LGALS3BP: variants seen among roughly 807,000 people sequenced by gnomAD.
The protein encoded by LGALS3BP is galectin 3 binding protein.
In LGALS3BP, 25 loss-of-function variants were observed where a neutral mutation model predicts 22.9. The ratio of observed to expected loss-of-function variants is 1.09; its 90% CI spans 0.80 to 1.53. The LOEUF is 1.53. Among genes scored for constraint, LGALS3BP ranks in the 40% most tolerant of loss-of-function variants. The pLI is 0.00. For synonymous variants in LGALS3BP, 335 were observed against 331.1 expected (o/e 1.01, Z -0.13); for missense variants, 718 against 752.0 (o/e 0.95, Z 0.53).
intron 1 of LGALS3BP, among the ~76,000 whole-genome samples, chr17:78,978,659 C>A (rs541177755): frequency 6.6e-6 from 1 of 152,310 alleles, no homozygotes; most frequent in East Asian, 1.9e-4. Flanking sequence ...CCCCTCAGTC[C>A]CAGGCACGCC....
At chr17:78,975,042 CAGCG>C (rs2070708196) in intron 3 of LGALS3BP, 1 of 567,912 alleles carries the variant, frequency 1.8e-6, no homozygotes, top group Admixed American at 3.3e-5. Context: ...CCGGCTGCTT[CAGCG>C]ACATCACATT....
In LGALS3BP at chr17:78,972,255, T is replaced by A. The variant is rs745438226; in HGVS notation, c.1079A>T (p.Gln360Leu). Residue 360 changes from glutamine (Q) to leucine (L), a missense_variant, in exon 6 of 6, where the codon CAG (glutamine) becomes CTG (leucine). Coordinates refer to ENST00000262776, the MANE Select transcript of LGALS3BP (RefSeq NM_005567.4). This position sits in a 1 kb window ranked among gnomAD's most constrained non-coding sequence, Gnocchi z 5.1. Reference protein sequence around the residue: ...MMLPEELFELQFNLSLYWSHE... With the variant: ...MMLPEELFELLFNLSLYWSHE... ...GCTCCAGTACAGGGACAGGTTGAAC[T>A]GCAGCTCAAAGAGCTCCTCAGGGAG... 25 of 1,613,624 alleles carry A rather than the reference T, an allele frequency of 1.5e-5. No individual in the cohort carries two copies. The highest frequency in any genetic ancestry group is 2.0e-5 in the Non-Finnish European group (24 of 1,179,952).
Position 78,971,303 on chromosome 17 carries a change from G to A in LGALS3BP, c.*273C>T, listed in dbSNP as rs1131530. The A allele has an allele frequency of 1.9e-6, 1 of 513,476 alleles. No individual in the cohort carries two copies. Among genetic ancestry groups the A allele is most frequent in the Non-Finnish European group, 3.5e-6 (1 of 287,106 alleles). The allele number at this position is 513,476 out of a possible 1,614,324, so 31.8% of individuals were successfully genotyped here. On this transcript the variant is annotated 3_prime_UTR_variant, in exon 6 of 6. Transcript: ENST00000262776. The surrounding 1 kb of genome is among the most constrained non-coding windows in gnomAD (Gnocchi z 5.6). Reference sequence around the variant, plus strand: ...TGACCTCAGACCAGTGACAAGGGCAGACTGACCAGGGGCTGTGGGGGGATC... The same window carrying A: ...TGACCTCAGACCAGTGACAAGGGCAAACTGACCAGGGGCTGTGGGGGGATC...
rs138148278 is a variant in LGALS3BP, at chr17:78,974,710, G to A, written c.354C>T (p.Asp118=). The A allele has an allele frequency of 8.9e-5, 144 of 1,613,572 alleles. No homozygotes were observed. Among genetic ancestry groups the A allele is most frequent in the Non-Finnish European group, 1.2e-4 (138 of 1,180,006 alleles). Residue 118 remains aspartate (D), a synonymous_variant, in exon 4 of 6, where the codon GAC becomes GAT. Transcript: ENST00000262776. ...CACCATTGGTGCAGACCACACCAGC[G>A]TCTCTCTCGTGCCTGCAGTTGCTCT... ...WLKSNCRHER[D]AGVVCTNETR...
chr17:78,972,859 C>T lies in LGALS3BP; in HGVS notation c.629+111G>A, dbSNP rs1228203903. 6.9e-7 allele frequency: 1 copy of T among 1,449,092 alleles called. No individual in the cohort carries two copies. The highest frequency in any genetic ancestry group is 1.4e-5 in the African/African-American group (1 of 70,928). The allele number at this position is 1,449,092 out of a possible 1,614,324, so 89.8% of individuals were successfully genotyped here. A position where few individuals can be genotyped will look rare whatever the true frequency, so the allele number is the denominator to read the frequency against. On this transcript the variant is annotated intron_variant, in intron 5 of 5. Coordinates refer to ENST00000262776, the MANE Select transcript of LGALS3BP (RefSeq NM_005567.4). The surrounding 1 kb of genome is among the most constrained non-coding windows in gnomAD (Gnocchi z 5.1). ...GAGTGCATGTGTGACTGCGTGTGTACATGTGCATGCATGAGTATGTGCAGG... is the reference window on the plus strand; with the variant it reads ...GAGTGCATGTGTGACTGCGTGTGTATATGTGCATGCATGAGTATGTGCAGG...
In LGALS3BP at chr17:78,976,239, G is replaced by T; in HGVS notation, c.53-83C>A. The T allele has an allele frequency of 1.6e-6, 2 of 1,246,294 alleles. No homozygotes were observed. Among genetic ancestry groups the T allele is most frequent in the Non-Finnish European group, 2.2e-6 (2 of 917,006 alleles). The allele number at this position is 1,246,294 out of a possible 1,614,324, so 77.2% of individuals were successfully genotyped here. Reference sequence around the variant, plus strand: ...CTCCAGGCCCCATATGCTGTCCTGGGTCTCCCCTGCTGAGCTTGTATTTCA... The same window carrying T: ...CTCCAGGCCCCATATGCTGTCCTGGTTCTCCCCTGCTGAGCTTGTATTTCA... On this transcript the variant is annotated intron_variant, in intron 2 of 5. Coordinates refer to ENST00000262776, the MANE Select transcript of LGALS3BP (RefSeq NM_005567.4). This position sits in a 1 kb window ranked among gnomAD's most constrained non-coding sequence, Gnocchi z 4.6.
Position 78,971,827 on chromosome 17 carries a change from C to A in LGALS3BP, c.1507G>T (p.Val503Phe). Residue 503 changes from valine to phenylalanine, a missense_variant, in exon 6 of 6, where the codon GTC (valine) becomes TTC (phenylalanine). By Grantham distance (50) the Val-to-Phe change is conservative. Coordinates refer to ENST00000262776, the MANE Select transcript of LGALS3BP (RefSeq NM_005567.4). The surrounding 1 kb of genome is among the most constrained non-coding windows in gnomAD (Gnocchi z 5.6). ...CCGCCAGACTTGGTGAGGCCCAGGA[C>A]AGGGAGCTCGTCCGAGGAGCAGGAG... The part of the protein sequence containing the change: ...GFSCSSDELP[V>F]LGLTKSGGSD... 1 of 1,614,130 alleles carries A rather than the reference C, an allele frequency of 6.2e-7. No homozygotes were observed. The highest frequency in any genetic ancestry group is 8.5e-7 in the Non-Finnish European group (1 of 1,180,026).
chr17:78,976,497 C>A lies in LGALS3BP; in HGVS notation c.53-341G>T, dbSNP rs1001371604. Among the ~76,000 whole-genome samples, 1 of 152,174 alleles carries A rather than the reference C, an allele frequency of 6.6e-6. No individual in the cohort carries two copies. Among genetic ancestry groups the A allele is most frequent in the Non-Finnish European group, 1.5e-5 (1 of 68,028 alleles). On this transcript the variant is annotated intron_variant, in intron 2 of 5. Transcript: ENST00000262776. The surrounding 1 kb of genome is among the most constrained non-coding windows in gnomAD (Gnocchi z 4.6). ...AAGGATAGGAGGGGAACGGAGGCCC[C>A]GTGCTGACCCGCCCTGCAGAGGGTG...
rs773533005 is a variant in LGALS3BP, at chr17:78,972,568, A to C, written c.766T>G (p.Ser256Ala). 1 of 1,602,684 alleles carries C rather than the reference A, an allele frequency of 6.2e-7. No individual in the cohort carries two copies. Among genetic ancestry groups the C allele is most frequent in the Non-Finnish European group, 8.5e-7 (1 of 1,172,090 alleles). The change falls in exon 6 of 6, where the codon TCG (serine) becomes GCG (alanine). Residue 256 changes from serine (S) to alanine (A), a missense_variant. Transcript: ENST00000262776. The surrounding 1 kb of genome is among the most constrained non-coding windows in gnomAD (Gnocchi z 5.1). ...LFAILLPQDP[S>A]FQMPLDLYAY... ...TACAGGTCCAGGGGCATCTGGAACG[A>C]GGGGTCCTGGGGGAGGAGGATGGCA...
chr17:78,974,304 G>A (rs1321773974), intron 4 of LGALS3BP, among the ~76,000 whole-genome samples: 4 of 152,268 alleles, frequency 2.6e-5, no homozygotes, highest in Non-Finnish European at 2.9e-5. Flanking sequence ...GCGAGTAGCC[G>A]GGACTCCCTC....
chr17:78,973,471 G>A lies in LGALS3BP; in HGVS notation c.377-249C>T, dbSNP rs2070693734. ...AAGCCTGTCCAGGCCCCCGCTTTAG[G>A]CCCTCTGCTCTGTGCTGCTCCCCCG... On this transcript the variant is annotated intron_variant, in intron 4 of 5. Coordinates refer to ENST00000262776, the MANE Select transcript of LGALS3BP (RefSeq NM_005567.4). This position sits in a 1 kb window ranked among gnomAD's most constrained non-coding sequence, Gnocchi z 5.8. 2 of 495,982 alleles carry A rather than the reference G, an allele frequency of 4.0e-6. No homozygotes were observed. The highest frequency in any genetic ancestry group is 3.4e-5 in the Admixed American group (1 of 29,664). The allele number at this position is 495,982 out of a possible 1,614,324, so 30.7% of individuals were successfully genotyped here. A position where few individuals can be genotyped will look rare whatever the true frequency, so the allele number is the denominator to read the frequency against.
rs1268082578 is a variant in LGALS3BP at position 78,973,489 on chromosome 17, C to T, written c.377-267G>A. On this transcript the variant is annotated intron_variant, in intron 4 of 5. Coordinates refer to ENST00000262776, the MANE Select transcript of LGALS3BP (RefSeq NM_005567.4). This position sits in a 1 kb window ranked among gnomAD's most constrained non-coding sequence, Gnocchi z 5.8. ...GCTTTAGGCCCTCTGCTCTGTGCTG[C>T]TCCCCCGACTCAGGCAGCAGCTCCG... 166 of 420,424 alleles carry T rather than the reference C, an allele frequency of 3.9e-4. 1 individual carries two copies. Among genetic ancestry groups the T allele is most frequent in the Non-Finnish European group, 3.4e-5 (8 of 234,702 alleles). 26.0% of individuals were successfully genotyped at this position (420,424 alleles called of 1,614,324 possible). A position where few individuals can be genotyped will look rare whatever the true frequency, so the allele number is the denominator to read the frequency against.
At chr17:78,979,307 T>A (rs1419200973) in intron 1 of LGALS3BP, 1 of 152,382 alleles carries the variant, frequency 6.6e-6, no homozygotes, top group Non-Finnish European at 1.5e-5. Flanking sequence ...GCTGGTATCC[T>A]TGTGCAGTGA....
At chr17:78,979,250 C>T (rs1003096971) in intron 1 of LGALS3BP, among the ~76,000 whole-genome samples, 2 of 152,388 alleles carry the variant, frequency 1.3e-5, no homozygotes, top group African/African-American at 2.4e-5. Flanking sequence ...GCCAAATGCA[C>T]AGGTCTGAGA....
At chr17:78,977,507 A>C (rs1329240988) in intron 1 of LGALS3BP, 2 of 336,320 alleles carry the variant, frequency 5.9e-6, no homozygotes, top group African/African-American at 2.2e-5. Flanking sequence ...TGGTGACTAG[A>C]GGCAAGTGAG....
intron 3 of LGALS3BP, 36 bp downstream of exon 3, chr17:78,975,929 G>C: frequency 6.6e-7 from 1 of 1,524,466 alleles, no homozygotes; most frequent in Non-Finnish European, 8.9e-7. Context: ...TGTGCTGTGG[G>C]TCTCAGCCTC....
chr17:78,978,329 T>C (rs901338514), intron 1 of LGALS3BP, among the ~76,000 whole-genome samples: 1 of 152,240 alleles, frequency 6.6e-6, no homozygotes, highest in Non-Finnish European at 1.5e-5. Flanking sequence ...GCAGCTTTGC[T>C]CTGGGACTCG....
chr17:78,974,538 G>T (rs936024308), intron 4 of LGALS3BP, 150 bp downstream of exon 4: 2 of 868,632 alleles, frequency 2.3e-6, no homozygotes, highest in African/African-American at 1.7e-5. Flanking sequence ...CTCTTGGGAC[G>T]TCTGGGCCTC....
chr17:78,975,818 A>C (rs942352265), intron 3 of LGALS3BP, 147 bp downstream of exon 3: 25 of 488,430 alleles, frequency 5.1e-5, no homozygotes, highest in Non-Finnish European at 6.2e-5. Flanking sequence ...AAAAAAAAAA[A>C]AAAAAGTGTT....
Sources: gnomAD v4.1 joint callset for allele counts (sites outside exome capture counted in the v4.1 genomes callset) on GRCh38, gnomAD v4.1.1 for gene constraint, Gnocchi (gnomAD v3.1) non-coding constraint, MANE v1.5 for transcripts, NCBI Gene and HGNC (gene_info 2026-07-23, HGNC 2026-07-21) for gene names.